Variants in SUGCT observed in about 807,000 individuals in gnomAD.
SUGCT encodes succinyl-CoA:glutarate CoA-transferase.
A neutral mutation model predicts 55.0 loss-of-function variants in SUGCT; 41 were observed. That is an observed-to-expected ratio of 0.74 (90% confidence interval 0.58 to 0.97). The LOEUF (loss-of-function observed/expected upper bound fraction) is 0.97. SUGCT is among the 50% of genes least tolerant of loss of function. The pLI is 0.00. For missense variants in SUGCT, 568 were observed against 547.8 expected (o/e 1.04, Z -0.37); for synonymous variants, 187 against 200.4 (o/e 0.93, Z 0.56).
At chr7:40,997,485 A>ATAGATGG in the SUGCT span, among the ~76,000 whole-genome samples, 5 of 152,088 alleles carry the variant, frequency 3.3e-5, no homozygotes, top group Admixed American at 6.6e-5. Flanking sequence ...CAGACTGCTC[A>ATAGATGG]TGGTTCACTT....
At chr7:40,751,105 A>G (rs965974990) in intron 13 of SUGCT, among the ~76,000 whole-genome samples, 2 of 152,230 alleles carry the variant, frequency 1.3e-5, no homozygotes, top group Non-Finnish European at 2.9e-5. Flanking sequence ...TCTGTAGTTT[A>G]GGTGATCGAA....
chr7:40,577,806 C>T (rs1457158873), intron 12 of SUGCT, among the ~76,000 whole-genome samples: 1 of 152,108 alleles, frequency 6.6e-6, no homozygotes, highest in African/African-American at 2.4e-5. Flanking sequence ...TAAGGAGTTT[C>T]ACAGCAGTTT....
intron 1 of SUGCT, among the ~76,000 whole-genome samples, chr7:40,138,788 AG>A (rs1787828144): frequency 6.6e-6 from 1 of 152,212 alleles, no homozygotes; most frequent in African/African-American, 2.4e-5. Flanking sequence ...TACTCATGGC[AG>A]TACACAGAAA....
chr7:40,449,806 C>G (rs911272155), intron 10 of SUGCT, among the ~76,000 whole-genome samples: 1 of 152,018 alleles, frequency 6.6e-6, no homozygotes, highest in Non-Finnish European at 1.5e-5. Context: ...AATTTTAAAA[C>G]TTTTTTTCAA....
chr7:40,367,181 C>T (rs1442003760), intron 9 of SUGCT, among the ~76,000 whole-genome samples: 8 of 145,928 alleles, frequency 5.5e-5, no homozygotes, highest in Admixed American at 1.5e-4. Flanking sequence ...AACCAAACAT[C>T]GTATGTTCTC....
At chr7:40,303,179 G>A (rs1384316640) in intron 8 of SUGCT, among the ~76,000 whole-genome samples, 10 of 151,792 alleles carry the variant, frequency 6.6e-5, no homozygotes, top group Admixed American at 2.0e-4. Flanking sequence ...GATTACAGGC[G>A]CCTGCCACCT....
intron 13 of SUGCT, among the ~76,000 whole-genome samples, chr7:40,810,447 T>C (rs937173051): frequency 3.3e-5 from 5 of 152,178 alleles, no homozygotes; most frequent in African/African-American, 1.2e-4. Flanking sequence ...TTGACTCTAA[T>C]AATAGCCATT....
chr7:40,335,969 T>A (rs1796674999), intron 9 of SUGCT, among the ~76,000 whole-genome samples: 1 of 152,196 alleles, frequency 6.6e-6, no homozygotes, highest in Non-Finnish European at 1.5e-5. Flanking sequence ...GGCTGTTGAA[T>A]TTTGTCGAAG....
intron 9 of SUGCT, among the ~76,000 whole-genome samples, chr7:40,324,750 C>T (rs1158891262): frequency 6.6e-6 from 1 of 152,016 alleles, no homozygotes; most frequent in Admixed American, 6.6e-5. Flanking sequence ...AATGGGAGAC[C>T]CCAGGAGTTC....
chr7:40,994,362 C>T, the SUGCT span, among the ~76,000 whole-genome samples: 2 of 151,642 alleles, frequency 1.3e-5, no homozygotes, highest in East Asian at 2.0e-4. Context: ...TGGAAAAGAA[C>T]AAAGAAGATA....
chr7:40,336,253 C>T (rs1416268631), intron 9 of SUGCT, among the ~76,000 whole-genome samples: 4 of 152,140 alleles, frequency 2.6e-5, no homozygotes, highest in African/African-American at 4.8e-5. Flanking sequence ...CAGGATGATG[C>T]TGGCCTCATA....
chr7:40,588,275 A>C (rs1797513184), intron 12 of SUGCT, among the ~76,000 whole-genome samples: 1 of 151,624 alleles, frequency 6.6e-6, no homozygotes, highest in Non-Finnish European at 1.5e-5. Flanking sequence ...GTACATGTGC[A>C]CATTGTGCAG....
chr7:40,388,884 A>T (rs1785259541), intron 9 of SUGCT, among the ~76,000 whole-genome samples: 1 of 152,160 alleles, frequency 6.6e-6, no homozygotes, highest in Non-Finnish European at 1.5e-5. Context: ...TCTCAGAAAG[A>T]GTCATCCATG....
rs1369412812 is a variant in SUGCT at position 40,139,151 on chromosome 7, T to TC, written c.100+4031_100+4032insC. Among the ~76,000 whole-genome samples, 1,072 of 150,650 alleles carry TC rather than the reference T, an allele frequency of 7.1e-3. 17 individuals are homozygous for TC. Among genetic ancestry groups the TC allele is most frequent in the African/African-American group, 0.024 (1,003 of 40,998 alleles). On this transcript the variant is annotated intron_variant, in intron 1 of 13. Coordinates refer to ENST00000335693, the MANE Select transcript of SUGCT (RefSeq NM_001193313.2). ...AAAAATAAATAAATAAATAAATAAA[T>TC]AAATAAATAAATAAATAAATAAATA...
intron 12 of SUGCT, among the ~76,000 whole-genome samples, chr7:40,576,767 G>GT (rs1173772938): frequency 6.6e-6 from 1 of 152,202 alleles, no homozygotes; most frequent in East Asian, 1.9e-4. Flanking sequence ...GAAACAGAGA[G>GT]TAGCAGAGTT....
At chr7:40,929,413 A>C in the SUGCT span, among the ~76,000 whole-genome samples, 1 of 152,218 alleles carries the variant, frequency 6.6e-6, no homozygotes, top group Non-Finnish European at 1.5e-5. Context: ...TAGAAGCATG[A>C]TTTATAACCC....
chr7:40,286,656 G>T (rs766649069), intron 8 of SUGCT, among the ~76,000 whole-genome samples: 3 of 152,136 alleles, frequency 2.0e-5, no homozygotes, highest in Non-Finnish European at 4.4e-5. Flanking sequence ...TTTATTGTTT[G>T]GTGTGACTGA....
chr7:40,935,864 A>T, the SUGCT span, among the ~76,000 whole-genome samples: 1 of 152,200 alleles, frequency 6.6e-6, no homozygotes, highest in African/African-American at 2.4e-5. Flanking sequence ...TCTCACCAGC[A>T]GTTTATATGG....
chr7:40,702,980 G>A (rs1175612779), intron 12 of SUGCT, among the ~76,000 whole-genome samples: 2 of 151,708 alleles, frequency 1.3e-5, no homozygotes, highest in African/African-American at 4.8e-5. Flanking sequence ...TTATTCCAAG[G>A]AAAAGCATCT....
Sources: allele counts gnomAD v4.1 joint callset (sites outside exome capture counted in the v4.1 genomes callset), GRCh38; gene constraint gnomAD v4.1.1; transcripts MANE v1.5; gene names NCBI Gene and HGNC (gene_info 2026-07-23, HGNC 2026-07-21).